Variants in ARNT2 observed in about 807,000 individuals in gnomAD.
The protein encoded by ARNT2 is aryl hydrocarbon receptor nuclear translocator 2, also known as ARNT protein 2.
ARNT2 carries 36 observed loss-of-function variants against 91.7 expected under a neutral mutation model. That is an observed-to-expected ratio of 0.39 (90% confidence interval 0.30 to 0.52). The LOEUF (loss-of-function observed/expected upper bound fraction) is 0.52. Ranked by LOEUF, ARNT2 falls within the 20% of genes least tolerant of loss-of-function variation. The pLI, the probability that ARNT2 is intolerant of heterozygous loss-of-function variation, is 0.72. For missense variants in ARNT2, 775 were observed against 939.3 expected (o/e 0.83, Z 2.29); for synonymous variants, 365 against 347.1 (o/e 1.05, Z -0.57).
At chr15:80,578,119 T>C (rs2094107780) in intron 15 of ARNT2, among the ~76,000 whole-genome samples, 1 of 152,186 alleles carries the variant, frequency 6.6e-6, no homozygotes, top group African/African-American at 2.4e-5. Context: ...GGTGCTCATG[T>C]TCATGGGGTC....
At chr15:80,535,506 G>A (rs1227483269) in intron 8 of ARNT2, among the ~76,000 whole-genome samples, 1 of 152,202 alleles carries the variant, frequency 6.6e-6, no homozygotes, top group Admixed American at 6.5e-5. Context: ...GTGAAATTGA[G>A]CATCTTCCCT....
intron 1 of ARNT2, 102 bp from the exon 2 acceptor site, chr15:80,450,778 C>T (rs970233142): frequency 8.7e-7 from 1 of 1,148,328 alleles, no homozygotes; most frequent in Admixed American, 1.7e-5. Flanking sequence ...GGTCCCTGGG[C>T]TCTCTGCGCA....
Position 80,576,879 on chromosome 15 carries a change from G to T in ARNT2, c.1527G>T (p.Met509Ile). The T allele has an allele frequency of 6.2e-7, 1 of 1,614,096 alleles. No individual in the cohort carries two copies. Among genetic ancestry groups the T allele is most frequent in the South Asian group, 1.1e-5 (1 of 91,080 alleles). ...TGGTTTTCCTAGCGGAGAAGAAGATGATGAGCTCAGCCTCTGCAGCAGGAA... is the reference window on the plus strand; with the variant it reads ...TGGTTTTCCTAGCGGAGAAGAAGATTATGAGCTCAGCCTCTGCAGCAGGAA... ...FAGISASEKK[M>I]MSSASAAGTQ... The change falls in exon 15 of 19, where the codon ATG becomes ATT. Residue 509 changes from methionine to isoleucine, a missense_variant. Physicochemically the swap from Met to Ile is conservative, Grantham distance 10. Transcript: ENST00000303329.
chr15:80,576,788 C>T, intron 14 of ARNT2, 78 bp from the exon 15 acceptor site: 2 of 1,501,676 alleles, frequency 1.3e-6, no homozygotes, highest in South Asian at 2.3e-5. Flanking sequence ...CACCCCTGCA[C>T]CTCTTCTTGG....
chr15:80,591,472 C>T lies in ARNT2; in HGVS notation c.1919-96C>T, dbSNP rs1187668564. On this transcript the variant is annotated intron_variant, in intron 17 of 18. Transcript: ENST00000303329. The surrounding 1 kb of genome is among the most constrained non-coding windows in gnomAD (Gnocchi z 5.1). Reference sequence around the variant, plus strand: ...CCAGCTCTGGATGGAACGTGCCTTTCAGAAGCGGGAGGCCCTCCAGCCGCA... The same window carrying T: ...CCAGCTCTGGATGGAACGTGCCTTTTAGAAGCGGGAGGCCCTCCAGCCGCA... 4 of 1,519,366 alleles carry T rather than the reference C, an allele frequency of 2.6e-6. No individual in the cohort carries two copies. Among genetic ancestry groups the T allele is most frequent in the Non-Finnish European group, 3.6e-6 (4 of 1,107,126 alleles). 94.1% of individuals were successfully genotyped at this position (1,519,366 alleles called of 1,614,324 possible). A position where few individuals can be genotyped will look rare whatever the true frequency, so the allele number is the denominator to read the frequency against.
At position 80,475,154 on chromosome 15, in the gene ARNT2, G is replaced by A; in HGVS notation, c.553G>A (p.Glu185Lys). ...AGAGTGGTTTGGGAGCACACTGTAT[G>A]AACAGGTGCATCCTGATGACGTGGA... ...QSEWFGSTLYEQVHPDDVEKL... is the reference protein window; with the variant it reads ...QSEWFGSTLYKQVHPDDVEKL... The change falls in exon 5 of 19, where the codon GAA (glutamate) becomes AAA (lysine). Residue 185 changes from glutamate (E) to lysine (K), a missense_variant. Around this residue, in one of 5 missense-constraint regions of ARNT2, gnomAD observed 285 missense variants for 327.2 expected, o/e 0.87. Transcript: ENST00000303329. 1 of 1,614,192 alleles carries A rather than the reference G, an allele frequency of 6.2e-7. No homozygotes were observed. Among genetic ancestry groups the A allele is most frequent in the Non-Finnish European group, 8.5e-7 (1 of 1,180,034 alleles).
At chr15:80,587,704 C>G (rs992361495) in intron 17 of ARNT2, among the ~76,000 whole-genome samples, 8 of 152,206 alleles carry the variant, frequency 5.3e-5, no homozygotes, top group African/African-American at 1.7e-4. Flanking sequence ...GCCCATAACA[C>G]AGTCTATCTG....
chr15:80,530,678 A>G (rs1403077937), intron 8 of ARNT2, among the ~76,000 whole-genome samples: 1 of 152,178 alleles, frequency 6.6e-6, no homozygotes, highest in Non-Finnish European at 1.5e-5. Context: ...AAGTGGTATC[A>G]GTTCAATCTG....
At chr15:80,590,423 G>A (rs1244472972) in intron 17 of ARNT2, among the ~76,000 whole-genome samples, 2 of 152,142 alleles carry the variant, frequency 1.3e-5, no homozygotes, top group Non-Finnish European at 2.9e-5. Flanking sequence ...CTCTTTGGTT[G>A]AATCTCAAAA....
chr15:80,538,994 C>T (rs1346507242), intron 8 of ARNT2, among the ~76,000 whole-genome samples: 1 of 151,304 alleles, frequency 6.6e-6, no homozygotes, highest in Non-Finnish European at 1.5e-5. Flanking sequence ...AAGGAAGTAA[C>T]CAAATTTGAA....
At chr15:80,590,736 T>C (rs1893260950) in intron 17 of ARNT2, among the ~76,000 whole-genome samples, 1 of 152,246 alleles carries the variant, frequency 6.6e-6, no homozygotes, top group Admixed American at 6.5e-5. Flanking sequence ...AATAAGACTC[T>C]TTCTCGTATG....
chr15:80,406,798 G>T (rs550389918), intron 1 of ARNT2, among the ~76,000 whole-genome samples: 1 of 152,214 alleles, frequency 6.6e-6, no homozygotes, highest in African/African-American at 2.4e-5. Context: ...ATTTCTCAAG[G>T]GAAAATTCCT....
chr15:80,563,733 G>T (rs1456160445), intron 12 of ARNT2, among the ~76,000 whole-genome samples: 1 of 152,180 alleles, frequency 6.6e-6, no homozygotes, highest in Non-Finnish European at 1.5e-5. Flanking sequence ...CTGCCCAGCC[G>T]TGGAAGCATT....
In ARNT2 at chr15:80,593,727, C is replaced by T; in HGVS notation, c.*29C>T. 1 of 1,560,406 alleles carries T rather than the reference C, an allele frequency of 6.4e-7. No individual in the cohort carries two copies. The highest frequency in any genetic ancestry group is 1.2e-5 in the South Asian group (1 of 86,514). On this transcript the variant is annotated 3_prime_UTR_variant, in exon 19 of 19. Coordinates refer to ENST00000303329, the MANE Select transcript of ARNT2 (RefSeq NM_014862.4). ...CGGCCAGAGTGAGGCTCCTGCTGTA[C>T]AGTGCCACCCATACTGTGATGTCGA...
At chr15:80,481,447 C>T (rs142220842) in intron 5 of ARNT2, among the ~76,000 whole-genome samples, 58 of 152,334 alleles carry the variant, frequency 3.8e-4, no homozygotes, top group African/African-American at 1.2e-3. Flanking sequence ...GGGTGGCTCA[C>T]ACCTGTACTC....
At chr15:80,504,174 C>G (rs1431105522) in intron 5 of ARNT2, among the ~76,000 whole-genome samples, 2 of 152,162 alleles carry the variant, frequency 1.3e-5, no homozygotes, top group Non-Finnish European at 2.9e-5. Context: ...ATGATAGAAA[C>G]CCTTATGAAA....
chr15:80,567,684 G>A (rs1362169057), intron 12 of ARNT2, among the ~76,000 whole-genome samples: 2 of 152,190 alleles, frequency 1.3e-5, no homozygotes, highest in Non-Finnish European at 2.9e-5. Flanking sequence ...TTGTACAGGG[G>A]GTGGCCTACG....
intron 1 of ARNT2, among the ~76,000 whole-genome samples, chr15:80,428,708 A>G (rs1427153710): frequency 2.0e-5 from 3 of 152,250 alleles, no homozygotes; most frequent in African/African-American, 7.2e-5. Flanking sequence ...AGGGGAGATG[A>G]GCAGGATTCT....
Position 80,508,233 on chromosome 15 carries a change from C to T in ARNT2, c.700C>T (p.Arg234Trp). ...QSSMRMCMGS[R>W]RSFICRMRCG... Reference sequence around the variant, plus strand: ...ATCCATGAGGATGTGCATGGGCTCGCGGCGGTCTTTCATCTGCAGGATGAG... The same window carrying T: ...ATCCATGAGGATGTGCATGGGCTCGTGGCGGTCTTTCATCTGCAGGATGAG... Residue 234 changes from arginine to tryptophan, a missense_variant, in exon 6 of 19, where the codon CGG (arginine) becomes TGG (tryptophan). Arg to Trp is a moderately radical substitution (Grantham distance 101). Transcript: ENST00000303329. The T allele has an allele frequency of 6.2e-7, 1 of 1,614,016 alleles. No individual in the cohort carries two copies. Among genetic ancestry groups the T allele is most frequent in the Non-Finnish European group, 8.5e-7 (1 of 1,179,954 alleles).
Sources: allele counts gnomAD v4.1 joint callset (sites outside exome capture counted in the v4.1 genomes callset), GRCh38; gene constraint gnomAD v4.1.1; regional missense constraint gnomAD v4.1.1; non-coding constraint Gnocchi (gnomAD v3.1); transcripts MANE v1.5; gene names NCBI Gene and HGNC (gene_info 2026-07-23, HGNC 2026-07-21).